The following ZNF584 variants were observed in gnomAD, a reference collection of about 807,000 sequenced individuals.
ZNF584 encodes the protein zinc finger protein 584.
A neutral mutation model predicts 14.7 loss-of-function variants in ZNF584; 12 were observed. The observed-to-expected ratio is 0.82, with a 90% CI of 0.52 to 1.32. The LOEUF (loss-of-function observed/expected upper bound fraction) is 1.32, where lower values mean the gene tolerates loss of function less well. ZNF584 is among the 40% of genes most tolerant of loss of function. The pLI, the probability that ZNF584 is intolerant of heterozygous loss-of-function variation, is 0.00. For synonymous variants in ZNF584, 204 were observed against 190.9 expected, an observed-to-expected ratio of 1.07 and a Z score of -0.57; for missense variants, 478 against 518.8, an observed-to-expected ratio of 0.92 and a Z score of 0.76.
rs577087753 is a variant in ZNF584 at position 58,415,355 on chromosome 19, G to C, written c.170-169G>C. 3.9e-5 allele frequency among the ~76,000 whole-genome samples: 6 copies of C among 152,124 alleles called. No homozygotes were observed. In the East Asian group the frequency reaches 9.7e-4, roughly 25 times the overall value. ...CAGGTGGTGCATGCCATCATGCCTGGCTAATTAAAATAATATATTTTTTGT... is the reference window on the plus strand; with the variant it reads ...CAGGTGGTGCATGCCATCATGCCTGCCTAATTAAAATAATATATTTTTTGT... On this transcript the variant is annotated intron_variant, in intron 2 of 3. Coordinates refer to ENST00000306910, the MANE Select transcript of ZNF584 (RefSeq NM_173548.3).
chr19:58,415,899 G>A (rs374640124), intron 3 of ZNF584: 92 of 1,598,918 alleles, frequency 5.8e-5, no homozygotes, highest in East Asian at 6.7e-5. Flanking sequence ...TACTGTTGGC[G>A]ACTCAGTGCG....
Position 58,409,001 on chromosome 19 carries a change from G to A in ZNF584, c.-147G>A. Reference sequence around the variant, plus strand: ...ACCGTCCTCCTTCCCAGCGGCTCCGGGAAGCGGTTCCCTGTCTTCGGACGC... The same window carrying A: ...ACCGTCCTCCTTCCCAGCGGCTCCGAGAAGCGGTTCCCTGTCTTCGGACGC... On this transcript the variant is annotated 5_prime_UTR_variant, in exon 1 of 4. Transcript: ENST00000306910. The A allele has an allele frequency of 1.9e-6, 2 of 1,062,904 alleles. No homozygotes were observed. The highest frequency in any genetic ancestry group is 3.7e-5 in the South Asian group (2 of 53,722). The allele number at this position is 1,062,904 out of a possible 1,614,324, so 65.8% of individuals were successfully genotyped here.
chr19:58,415,041 C>G lies in ZNF584; in HGVS notation c.170-483C>G, dbSNP rs146210662. Among the ~76,000 whole-genome samples the G allele has an allele frequency of 9.6e-3, 1,427 of 147,892 alleles. 22 individuals are homozygous for G. The highest frequency in any genetic ancestry group is 0.034 in the African/African-American group (1,359 of 39,580). On this transcript the variant is annotated intron_variant, in intron 2 of 3. Coordinates refer to ENST00000306910, the MANE Select transcript of ZNF584 (RefSeq NM_173548.3). ...CCGAGTAGCTGGGACTACAGGTGCC[C>G]GTCACCACATCCGCCTGATTTTTTT...
Position 58,410,004 on chromosome 19 carries a change from A to AG in ZNF584, c.85dup (p.Glu29GlyfsTer7), listed in dbSNP as rs2052523113. On this transcript the variant is annotated frameshift_variant, in exon 2 of 4. Coordinates refer to ENST00000306910, the MANE Select transcript of ZNF584 (RefSeq NM_173548.3). LOFTEE classifies it high-confidence loss of function. ...TGAGGATGTGACGGTATATTTCTCC[A>AG]GGGAGGAGTGGGGGCTCCTTAATGT... 2 of 1,613,906 alleles carry AG rather than the reference A, an allele frequency of 1.2e-6. No individual in the cohort carries two copies. Among genetic ancestry groups the AG allele is most frequent in the Non-Finnish European group, 1.7e-6 (2 of 1,180,008 alleles).
intron 2 of ZNF584, among the ~76,000 whole-genome samples, chr19:58,410,609 ATATGTG>A (rs1227514039): frequency 1.4e-4 from 6 of 43,532 alleles, no homozygotes; most frequent in Admixed American, 4.6e-4. Context: ...ATATGTATAT[ATATGTG>A]TATATATGTG....
At chr19:58,410,539 A>AATTTTTTTTTTTTTTTTTTTT in intron 2 of ZNF584, among the ~76,000 whole-genome samples, 34 of 38,702 alleles carry the variant, frequency 8.8e-4, no homozygotes, top group Non-Finnish European at 1.1e-3. Flanking sequence ...ATATATATAT[A>AATTTTTTTTTTTTTTTTTTTT]TATATATATA....
intron 2 of ZNF584, among the ~76,000 whole-genome samples, chr19:58,412,199 C>CTTTTTTTTTTTTT (rs35188048): frequency 1.2e-5 from 1 of 83,934 alleles, no homozygotes; most frequent in African/African-American, 5.9e-5. Context: ...CCAGGGTGGT[C>CTTTTTTTTTTTTT]TTTTTTTTTT....
intron 3 of ZNF584, chr19:58,416,082 A>G: frequency 1.0e-6 from 1 of 981,532 alleles, no homozygotes; most frequent in South Asian, 1.6e-5. Flanking sequence ...AACCCTTTGC[A>G]GAGGAGTGAC....
intron 2 of ZNF584, among the ~76,000 whole-genome samples, chr19:58,411,690 C>G (rs953040249): frequency 2.0e-5 from 3 of 151,434 alleles, no homozygotes; most frequent in African/African-American, 7.3e-5. Flanking sequence ...TGTCGCCAGG[C>G]TGGAGTGCAG....
In ZNF584 at chr19:58,416,919, C is replaced by A; in HGVS notation, c.401C>A (p.Thr134Asn). The A allele has an allele frequency of 6.2e-7, 1 of 1,613,116 alleles. No individual in the cohort carries two copies. The highest frequency in any genetic ancestry group is 8.5e-7 in the Non-Finnish European group (1 of 1,179,422). The change falls in exon 4 of 4, where the codon ACT becomes AAT. Residue 134 changes from threonine to asparagine, a missense_variant. Coordinates refer to ENST00000306910, the MANE Select transcript of ZNF584 (RefSeq NM_173548.3). The part of the protein sequence containing the change: ...THSEGKPRRH[T>N]EHGAAFPPGS... ...AGTGAGGGGAAACCAAGAAGGCACA[C>A]TGAGCATGGGGCAGCTTTCCCACCT...
In ZNF584 at chr19:58,417,029, G is replaced by T; in HGVS notation, c.511G>T (p.Ala171Ser). 1 of 1,610,868 alleles carries T rather than the reference G, an allele frequency of 6.2e-7. No individual in the cohort carries two copies. The highest frequency in any genetic ancestry group is 8.5e-7 in the Non-Finnish European group (1 of 1,178,000). ...CSDCGKVFLK[A>S]FALLDHLITH... ...TGACTGTGGGAAGGTGTTCTTAAAG[G>T]CCTTTGCCCTCCTTGACCATCTGAT... The change falls in exon 4 of 4, where the codon GCC becomes TCC. Residue 171 changes from alanine to serine, a missense_variant. This residue lies in a region of ZNF584 where 283 missense variants were observed against 317.3 expected (regional missense o/e 0.89). Coordinates refer to ENST00000306910, the MANE Select transcript of ZNF584 (RefSeq NM_173548.3).
intron 2 of ZNF584, among the ~76,000 whole-genome samples, 186 bp from the exon 3 acceptor site, chr19:58,415,338 G>A (rs2052627840): frequency 6.6e-6 from 1 of 152,102 alleles, no homozygotes; most frequent in South Asian, 2.1e-4. Context: ...TACAGGTGGT[G>A]CATGCCATCA....
intron 1 of ZNF584, 125 bp from the exon 2 acceptor site, chr19:58,409,816 G>C: frequency 8.6e-7 from 1 of 1,167,844 alleles, no homozygotes; most frequent in Non-Finnish European, 1.3e-6. Context: ...GAAGAGTTTA[G>C]AGCTCATAGG....
chr19:58,418,327 A>AT (rs1312984888), downstream of ZNF584: 274 of 148,868 alleles, frequency 1.8e-3, no homozygotes, highest in African/African-American at 6.4e-3. Context: ...GCCGCTTAAA[A>AT]TTTTTTTTTT....
chr19:58,413,039 G>GT (rs2052596163), intron 2 of ZNF584, among the ~76,000 whole-genome samples: 1 of 152,028 alleles, frequency 6.6e-6, no homozygotes, highest in Admixed American at 6.6e-5. Flanking sequence ...TCTTCTCTCT[G>GT]TTTTTTGTCA....
intron 2 of ZNF584, among the ~76,000 whole-genome samples, chr19:58,413,405 G>A (rs1425881753): frequency 2.0e-5 from 3 of 151,718 alleles, no homozygotes; most frequent in South Asian, 4.1e-4. Context: ...GAATGCAATG[G>A]TGCGATCTCG....
chr19:58,411,866 T>C (rs2052576968), intron 2 of ZNF584, among the ~76,000 whole-genome samples: 1 of 151,880 alleles, frequency 6.6e-6, no homozygotes, highest in African/African-American at 2.4e-5. Flanking sequence ...ATGGTCTTGA[T>C]CTCTTGACCT....
upstream of ZNF584, chr19:58,405,438 G>C (rs536066428): frequency 2.7e-5 from 4 of 148,386 alleles, no homozygotes; most frequent in Admixed American, 2.0e-4. Flanking sequence ...CTGGCCGGGC[G>C]GGGGGCTGAC....
At chr19:58,413,659 A>G (rs948495117) in intron 2 of ZNF584, among the ~76,000 whole-genome samples, 20 of 146,328 alleles carry the variant, frequency 1.4e-4, no homozygotes, top group African/African-American at 5.0e-4. Context: ...ACACCTGGCT[A>G]ATTTTTGTAT....
Sources: gnomAD v4.1 joint callset for allele counts (sites outside exome capture counted in the v4.1 genomes callset) on GRCh38, gnomAD v4.1.1 for gene constraint, gnomAD v4.1.1 regional missense constraint, MANE v1.5 for transcripts, NCBI Gene and HGNC (gene_info 2026-07-23, HGNC 2026-07-21) for gene names.